Variants in RELN observed in about 807,000 individuals in gnomAD.
RELN encodes the protein reelin.
Under a neutral mutation model 427.6 loss-of-function variants are expected in RELN, and 108 were observed. The ratio of observed to expected loss-of-function variants is 0.25; its 90% CI spans 0.22 to 0.30. RELN has a LOEUF of 0.30. RELN is among the 10% of genes least tolerant of loss of function. The pLI is 1.00. For missense variants in RELN, 3,715 were observed against 4,302.8 expected (o/e 0.86, Z 3.82); for synonymous variants, 1,524 against 1,513.4 (o/e 1.01, Z -0.16).
chr7:103,690,113 T>C (rs898302702), intron 10 of RELN, among the ~76,000 whole-genome samples: 1 of 152,134 alleles, frequency 6.6e-6, no homozygotes, highest in African/African-American at 2.4e-5. Context: ...ACTTCTACTA[T>C]CATTATTATT....
intron 11 of RELN, among the ~76,000 whole-genome samples, chr7:103,668,835 C>CTTATATCCATTTAT (rs1422470857): frequency 6.6e-6 from 1 of 152,148 alleles, no homozygotes; most frequent in Non-Finnish European, 1.5e-5. Context: ...TACTGATCCA[C>CTTATATCCATTTAT]AAAGCAAGTT....
chr7:103,821,627 C>T (rs1401527527), intron 3 of RELN, among the ~76,000 whole-genome samples: 2 of 152,098 alleles, frequency 1.3e-5, no homozygotes, highest in African/African-American at 4.8e-5. Flanking sequence ...AATAAGGATG[C>T]CATCTCAAAT....
rs1181001437 is a variant in RELN at position 103,569,252 on chromosome 7, G to C, written c.4589-2493C>G. ...TTGCCAACAGCAGAGAAGAACTAAA[G>C]GCTTTTGCCAACAGCCATGTAAGTA... On this transcript the variant is annotated intron_variant, in intron 31 of 64. Coordinates refer to ENST00000428762, the MANE Select transcript of RELN (RefSeq NM_005045.4). This position sits in a 1 kb window ranked among gnomAD's most constrained non-coding sequence, Gnocchi z 4.0. Among the ~76,000 whole-genome samples the C allele has an allele frequency of 6.6e-6, 1 of 152,144 alleles. No individual in the cohort carries two copies. Among genetic ancestry groups the C allele is most frequent in the African/African-American group, 2.4e-5 (1 of 41,436 alleles).
At chr7:103,520,957 ATTTT>A (rs55830035) in intron 48 of RELN, among the ~76,000 whole-genome samples, 28 of 79,202 alleles carry the variant, frequency 3.5e-4, no homozygotes, top group African/African-American at 1.3e-3. Context: ...TAAATTTGTT[ATTTT>A]TTTTTTTTTT....
At chr7:103,777,600 A>G (rs1791777195) in intron 3 of RELN, among the ~76,000 whole-genome samples, 1 of 152,150 alleles carries the variant, frequency 6.6e-6, no homozygotes. Flanking sequence ...TTCCCCCTTG[A>G]TATGCGTGCC....
chr7:103,865,670 T>A (rs985175142), intron 2 of RELN, among the ~76,000 whole-genome samples: 1 of 152,126 alleles, frequency 6.6e-6, no homozygotes, highest in Non-Finnish European at 1.5e-5. Context: ...TCACGATAGA[T>A]GCAGAAAAAG....
In RELN at chr7:103,497,901, C is replaced by T. The variant is rs1828889106; in HGVS notation, c.8869G>A (p.Gly2957Ser). 4 of 1,614,112 alleles carry T rather than the reference C, an allele frequency of 2.5e-6. No individual in the cohort carries two copies. Among genetic ancestry groups the T allele is most frequent in the Non-Finnish European group, 8.5e-7 (1 of 1,180,012 alleles). Residue 2957 changes from glycine (G) to serine (S), a missense_variant, in exon 55 of 65, where the codon GGT (glycine) becomes AGT (serine). By Grantham distance (56) the Gly-to-Ser change is moderately conservative. Transcript: ENST00000428762. ...CAAGAGGTCATGTTGTTCTCACTAC[C>T]GATGCGCCCCCAGTATTGCAGGAAC... ...AKFLQYWGRI[G>S]SENNMTSCHR...
chr7:103,689,381 T>G (rs1163587475), intron 10 of RELN, among the ~76,000 whole-genome samples: 3 of 152,084 alleles, frequency 2.0e-5, no homozygotes, highest in Admixed American at 6.6e-5. Context: ...AATTCCAGAG[T>G]TGACAGAAGC....
intron 60 of RELN, among the ~76,000 whole-genome samples, 158 bp from the exon 61 acceptor site, chr7:103,486,574 A>C (rs1828448125): frequency 6.6e-6 from 1 of 151,856 alleles, no homozygotes; most frequent in African/African-American, 2.4e-5. Context: ...AAGCCAAACA[A>C]CCCCATCAAA....
Position 103,840,199 on chromosome 7 carries a change from T to A in RELN, c.338-6527A>T, listed in dbSNP as rs1233677709. On this transcript the variant is annotated intron_variant, in intron 2 of 64. Coordinates refer to ENST00000428762, the MANE Select transcript of RELN (RefSeq NM_005045.4). ...TTATAGCAGTGTCAGAATGGACCAA[T>A]ACATGGAGATAAAAGAATCGGTTTA... 1.4e-4 allele frequency among the ~76,000 whole-genome samples: 21 copies of A among 152,310 alleles called. No individual in the cohort carries two copies. In the South Asian group the frequency reaches 4.1e-3, roughly 30 times the overall value.
chr7:103,923,606 G>T (rs1226437783), intron 1 of RELN, among the ~76,000 whole-genome samples: 1 of 152,104 alleles, frequency 6.6e-6, no homozygotes, highest in Non-Finnish European at 1.5e-5. Context: ...GGAACAAATG[G>T]ACTCCAATCA....
chr7:103,613,099 T>C (rs1293024813), intron 20 of RELN, among the ~76,000 whole-genome samples: 1 of 152,242 alleles, frequency 6.6e-6, no homozygotes, highest in Non-Finnish European at 1.5e-5. Flanking sequence ...CCCACATTAC[T>C]TTCCTTAGTT....
At chr7:103,916,481 T>A (rs1465043527) in intron 2 of RELN, among the ~76,000 whole-genome samples, 1 of 152,254 alleles carries the variant, frequency 6.6e-6, no homozygotes. Flanking sequence ...AAACTAGAGA[T>A]TCCTAAGTTG....
At chr7:103,902,292 T>C (rs916147516) in intron 2 of RELN, among the ~76,000 whole-genome samples, 13 of 152,074 alleles carry the variant, frequency 8.5e-5, no homozygotes, top group Non-Finnish European at 1.9e-4. Flanking sequence ...TATCAAATCA[T>C]ATAAAAGTCA....
intron 1 of RELN, among the ~76,000 whole-genome samples, chr7:103,940,166 G>A (rs918346256): frequency 1.3e-5 from 2 of 152,112 alleles, no homozygotes; most frequent in Non-Finnish European, 2.9e-5. Context: ...AATTTACTGG[G>A]GTTGGAGGAA....
Position 103,917,170 on chromosome 7 carries a change from CTTG to C in RELN, c.239_241del (p.Thr80del). Reference sequence around the variant, plus strand: ...CACCAGCAAGCCGTCAAAAAAGGTGCTTGTTGAAATTGTCACTGAAATGTAAGA... The same window carrying C: ...CACCAGCAAGCCGTCAAAAAAGGTGCTTGAAATTGTCACTGAAATGTAAGA... On this transcript the variant is annotated inframe_deletion, in exon 2 of 65. Transcript: ENST00000428762. The C allele has an allele frequency of 6.2e-7, 1 of 1,613,018 alleles. No individual in the cohort carries two copies. Among genetic ancestry groups the C allele is most frequent in the Non-Finnish European group, 8.5e-7 (1 of 1,179,380 alleles).
In RELN at chr7:103,895,352, G is replaced by C. The variant is rs79023441; in HGVS notation, c.337+21723C>G. On this transcript the variant is annotated intron_variant, in intron 2 of 64. Transcript: ENST00000428762. The stretch of plus-strand genomic sequence containing the variant: ...TAGATACCACACGAGGCAAATGGGG[G>C]CCCATTAAAATTTCCCCAACTGCTC... Among the ~76,000 whole-genome samples, 602 of 152,172 alleles carry C rather than the reference G, an allele frequency of 4.0e-3. 23 individuals carry two copies. In the East Asian group the frequency reaches 0.072, roughly 18 times the overall value.
chr7:103,655,694 A>G lies in RELN; in HGVS notation c.1442-1489T>C, dbSNP rs75843072. Among the ~76,000 whole-genome samples the G allele has an allele frequency of 5.8e-3, 880 of 152,200 alleles. 5 individuals are homozygous for G. The highest frequency in any genetic ancestry group is 0.019 in the African/African-American group (802 of 41,544). The stretch of plus-strand genomic sequence containing the variant: ...TGAACAATAGAAGGAATATTAGACA[A>G]AAGTAGATATCAGAGGGCAAGACTT... On this transcript the variant is annotated intron_variant, in intron 12 of 64. Coordinates refer to ENST00000428762, the MANE Select transcript of RELN (RefSeq NM_005045.4).
chr7:103,518,586 T>A (rs1330099340), intron 49 of RELN, among the ~76,000 whole-genome samples: 1 of 150,908 alleles, frequency 6.6e-6, no homozygotes, highest in African/African-American at 2.5e-5. Context: ...TCCTCCTGCC[T>A]TGGCTTCCCA....
Sources: allele counts gnomAD v4.1 joint callset (sites outside exome capture counted in the v4.1 genomes callset), GRCh38; gene constraint gnomAD v4.1.1; non-coding constraint Gnocchi (gnomAD v3.1); transcripts MANE v1.5; gene names NCBI Gene and HGNC (gene_info 2026-07-23, HGNC 2026-07-21).